Variants in HDAC4 observed in about 807,000 individuals in gnomAD.
HDAC4 encodes histone deacetylase A.
A neutral mutation model predicts 135.1 loss-of-function variants in HDAC4; 16 were observed. That is an observed-to-expected ratio of 0.12 (90% confidence interval 0.08 to 0.18). The LOEUF is 0.18. Among genes scored for constraint, HDAC4 ranks in the 10% least tolerant of loss-of-function variants. HDAC4 has a pLI of 1.00. For synonymous variants in HDAC4, 685 were observed against 653.4 expected (o/e 1.05, Z -0.74); for missense variants, 1,143 against 1,511.8 (o/e 0.76, Z 4.05).
chr2:239,049,219 C>G lies in HDAC4; in HGVS notation c.*3878G>C, dbSNP rs968454434. The G allele has an allele frequency of 6.6e-6, 1 of 152,466 alleles. No individual in the cohort carries two copies. The highest frequency in any genetic ancestry group is 2.4e-5 in the African/African-American group (1 of 41,388). The allele number at this position is 152,466 out of a possible 1,614,324, so 9.4% of individuals were successfully genotyped here. A position where few individuals can be genotyped will look rare whatever the true frequency, so the allele number is the denominator to read the frequency against. On this transcript the variant is annotated 3_prime_UTR_variant, in exon 27 of 27. Coordinates refer to ENST00000543185, the MANE Select transcript of HDAC4 (RefSeq NM_001378414.1). Reference sequence around the variant, plus strand: ...TTTATTTTTCTTACAATAAAAAGTACAATTTCTTAAGAATAAGTTCAATAA... The same window carrying G: ...TTTATTTTTCTTACAATAAAAAGTAGAATTTCTTAAGAATAAGTTCAATAA...
intron 1 of HDAC4, among the ~76,000 whole-genome samples, chr2:239,368,118 A>T (rs1318024606): frequency 6.6e-6 from 1 of 152,242 alleles, no homozygotes; most frequent in Non-Finnish European, 1.5e-5. Context: ...AGCACGTCAG[A>T]ACGACAGTCA....
At chr2:239,301,341 A>G (rs1040858019) in intron 2 of HDAC4, among the ~76,000 whole-genome samples, 3 of 152,098 alleles carry the variant, frequency 2.0e-5, no homozygotes, top group Admixed American at 2.0e-4. Context: ...TGAGTCCTCG[A>G]TCTGCTCTCA....
Position 239,306,376 on chromosome 2 carries a change from A to G in HDAC4, c.22+46302T>C, listed in dbSNP as rs1421933392. On this transcript the variant is annotated intron_variant, in intron 2 of 26. Transcript: ENST00000543185. The surrounding 1 kb of genome is among the most constrained non-coding windows in gnomAD (Gnocchi z 4.5). ...AACAGAGGACACAGCCTTCCAGTGG[A>G]CACGAGGACCTCAGAGGCCACCTGG... Among the ~76,000 whole-genome samples, 1 of 152,236 alleles carries G rather than the reference A, an allele frequency of 6.6e-6. No individual in the cohort carries two copies. The highest frequency in any genetic ancestry group is 2.4e-5 in the African/African-American group (1 of 41,550).
chr2:239,213,018 C>G (rs1487193604), intron 3 of HDAC4, among the ~76,000 whole-genome samples: 1 of 152,326 alleles, frequency 6.6e-6, no homozygotes, highest in Non-Finnish European at 1.5e-5. Flanking sequence ...TTGACTTGTT[C>G]ACTTCTTTAC....
In HDAC4 at chr2:239,349,285, G is replaced by A. The variant is rs968982700; in HGVS notation, c.22+3393C>T. Among the ~76,000 whole-genome samples, 10 of 152,324 alleles carry A rather than the reference G, an allele frequency of 6.6e-5. No homozygotes were observed. Among genetic ancestry groups the A allele is most frequent in the Admixed American group, 1.3e-4 (2 of 15,304 alleles). ...CAGCCAGGTAGGCCCCGAACACCAC[G>A]TTGCCAGGACTCGGCTCCTCGGCTC... On this transcript the variant is annotated intron_variant, in intron 2 of 26. Transcript: ENST00000543185. This position sits in a 1 kb window ranked among gnomAD's most constrained non-coding sequence, Gnocchi z 5.7.
intron 2 of HDAC4, among the ~76,000 whole-genome samples, chr2:239,284,044 C>T (rs925061837): frequency 5.3e-5 from 8 of 152,346 alleles, no homozygotes; most frequent in African/African-American, 1.9e-4. Context: ...CTTCTGCACC[C>T]CAGGGCCTCT....
chr2:239,312,341 C>G (rs1013249726), intron 2 of HDAC4, among the ~76,000 whole-genome samples: 1 of 152,166 alleles, frequency 6.6e-6, no homozygotes, highest in Non-Finnish European at 1.5e-5. Flanking sequence ...CATTGGCTGC[C>G]GCCAAGAGGC....
intron 2 of HDAC4, among the ~76,000 whole-genome samples, chr2:239,296,848 AACTC>A (rs905137416): frequency 2.0e-5 from 3 of 151,914 alleles, no homozygotes; most frequent in Admixed American, 2.0e-4. Flanking sequence ...TTAATGATTA[AACTC>A]ACTCACCAGG....
At chr2:239,131,957 G>C (rs1371044524) in intron 11 of HDAC4, among the ~76,000 whole-genome samples, 1 of 152,204 alleles carries the variant, frequency 6.6e-6, no homozygotes, top group African/African-American at 2.4e-5. Flanking sequence ...AGACCGGAGG[G>C]GAGGAACCTG....
intron 2 of HDAC4, among the ~76,000 whole-genome samples, chr2:239,332,292 T>A (rs901619713): frequency 6.6e-6 from 1 of 152,206 alleles, no homozygotes; most frequent in African/African-American, 2.4e-5. Flanking sequence ...CACGGCTGAC[T>A]TCTTCTCTTC....
rs912639113 is a variant in HDAC4 at position 239,146,346 on chromosome 2, C to G, written c.734-1632G>C. Among the ~76,000 whole-genome samples, 7 of 152,238 alleles carry G rather than the reference C, an allele frequency of 4.6e-5. No individual in the cohort carries two copies. Among genetic ancestry groups the G allele is most frequent in the Admixed American group, 4.6e-4 (7 of 15,288 alleles). On this transcript the variant is annotated intron_variant, in intron 7 of 26. Transcript: ENST00000543185. The surrounding 1 kb of genome is among the most constrained non-coding windows in gnomAD (Gnocchi z 4.5). ...CCCACATGGGCTCTGCAGGGATTCC[C>G]CGGGCCTGGGACAGGAGCCACTTCT...
chr2:239,072,799 CT>C (rs758298902), intron 22 of HDAC4, among the ~76,000 whole-genome samples: 34 of 152,360 alleles, frequency 2.2e-4, no homozygotes, highest in Admixed American at 2.2e-3. Flanking sequence ...AATGTGACCC[CT>C]TTTCGGGGAT....
chr2:239,078,727 G>A lies in HDAC4; in HGVS notation c.2750+2368C>T, dbSNP rs1446655917. On this transcript the variant is annotated intron_variant, in intron 22 of 26. Coordinates refer to ENST00000543185, the MANE Select transcript of HDAC4 (RefSeq NM_001378414.1). ...CCTGGGGAGGGGGAGTGACCCTGAC[G>A]GCAGACGCCCATTGCTGCTTTGGGC... Among the ~76,000 whole-genome samples the A allele has an allele frequency of 2.6e-5, 4 of 152,054 alleles. No individual in the cohort carries two copies. In the South Asian group the frequency reaches 6.2e-4, roughly 24 times the overall value.
At position 239,374,108 on chromosome 2, in the gene HDAC4, G is replaced by A. The variant is rs114465705; in HGVS notation, c.-219-21190C>T. 5.4e-3 allele frequency among the ~76,000 whole-genome samples: 823 copies of A among 152,314 alleles called. 13 individuals are homozygous for A. The highest frequency in any genetic ancestry group is 0.019 in the African/African-American group (769 of 41,564). On this transcript the variant is annotated intron_variant, in intron 1 of 26. Transcript: ENST00000543185. ...TGAGAACAGTGATGCTATGGCGTCC[G>A]CAGAACAGGCACCAACGGATGCAAA...
At chr2:239,212,849 G>T (rs765753585) in intron 3 of HDAC4, among the ~76,000 whole-genome samples, 2 of 152,210 alleles carry the variant, frequency 1.3e-5, no homozygotes, top group Non-Finnish European at 1.5e-5. Flanking sequence ...AGGAAGATAA[G>T]CAGTCAACAT....
At chr2:239,094,715 C>T (rs778543551) in intron 17 of HDAC4, 294 of 1,259,266 alleles carry the variant, frequency 2.3e-4, no homozygotes, top group Non-Finnish European at 2.8e-4. Flanking sequence ...CCACAGACTT[C>T]GAAGGGGATG....
chr2:239,235,661 A>G (rs1465190914), intron 3 of HDAC4, among the ~76,000 whole-genome samples: 6 of 152,242 alleles, frequency 3.9e-5, no homozygotes, highest in African/African-American at 1.4e-4. Context: ...ACCCTGGAGG[A>G]TTCTATGTGG....
chr2:239,283,117 G>A (rs1244591736), intron 2 of HDAC4, among the ~76,000 whole-genome samples: 1 of 152,258 alleles, frequency 6.6e-6, no homozygotes, highest in Non-Finnish European at 1.5e-5. Context: ...ACGCATGCAG[G>A]AGCAATGCTG....
At chr2:239,289,889 A>T (rs1219502039) in intron 2 of HDAC4, among the ~76,000 whole-genome samples, 1 of 152,110 alleles carries the variant, frequency 6.6e-6, no homozygotes, top group Non-Finnish European at 1.5e-5. Context: ...TTCAAATTAC[A>T]CCTAACCTTA....
Sources: gnomAD v4.1 joint callset for allele counts (sites outside exome capture counted in the v4.1 genomes callset) on GRCh38, gnomAD v4.1.1 for gene constraint, Gnocchi (gnomAD v3.1) non-coding constraint, MANE v1.5 for transcripts, NCBI Gene and HGNC (gene_info 2026-07-23, HGNC 2026-07-21) for gene names.